The following TENT5C variants were observed in gnomAD, a reference collection of about 807,000 sequenced individuals.
TENT5C encodes the protein terminal nucleotidyltransferase 5C.
A neutral mutation model predicts 22.2 loss-of-function variants in TENT5C; 5 were observed. The observed-to-expected ratio is 0.22, with a 90% CI of 0.12 to 0.47. TENT5C has a LOEUF of 0.47. Among genes scored for constraint, TENT5C ranks in the 20% least tolerant of loss-of-function variants. The pLI is 0.99. For missense variants in TENT5C, 364 were observed against 500.9 expected (o/e 0.73, Z 2.61); for synonymous variants, 199 against 195.4 (o/e 1.02, Z -0.15).
rs1040950682 is a variant in TENT5C at position 117,625,912 on chromosome 1, A to G, written c.*1868A>G. 24 of 247,854 alleles carry G rather than the reference A, an allele frequency of 9.7e-5. No homozygotes were observed. The highest frequency in any genetic ancestry group is 1.2e-3 in the Middle Eastern group (1 of 808). 15.4% of individuals were successfully genotyped at this position (247,854 alleles called of 1,614,324 possible). A position where few individuals can be genotyped will look rare whatever the true frequency, so the allele number is the denominator to read the frequency against. ...TCCTGTTTCCCTGTGAGCCTTAGTT[A>G]TATTTTAATTCAGTGGCTTTGAGTC... is the stretch of plus-strand genomic sequence containing the variant. On this transcript the variant is annotated 3_prime_UTR_variant, in exon 2 of 2. Coordinates refer to ENST00000369448, the MANE Select transcript of TENT5C (RefSeq NM_017709.4).
rs1654006294 is a variant in TENT5C, at chr1:117,626,108, T to C, written c.*2064T>C. ...CATGTGTTTGCACAAAAATGACCGA[T>C]GTGTTTAACCAAAGCTTTGAAATGT... On this transcript the variant is annotated 3_prime_UTR_variant, in exon 2 of 2. Transcript: ENST00000369448. 1 of 247,888 alleles carries C rather than the reference T, an allele frequency of 4.0e-6. No individual in the cohort carries two copies. Among genetic ancestry groups the C allele is most frequent in the African/African-American group, 2.2e-5 (1 of 45,340 alleles). The allele number at this position is 247,888 out of a possible 1,614,324, so 15.4% of individuals were successfully genotyped here.
rs186733243 is a variant in TENT5C at position 117,626,946 on chromosome 1, C to T, written c.*2902C>T. On this transcript the variant is annotated 3_prime_UTR_variant, in exon 2 of 2. Transcript: ENST00000369448. Reference sequence around the variant, plus strand: ...TCTCACATTGGCAGAATAGCACGCACTAGATGCCTGACCTTGAGCTCTAGT... The same window carrying T: ...TCTCACATTGGCAGAATAGCACGCATTAGATGCCTGACCTTGAGCTCTAGT... 1 of 248,190 alleles carries T rather than the reference C, an allele frequency of 4.0e-6. No homozygotes were observed. The highest frequency in any genetic ancestry group is 2.2e-5 in the African/African-American group (1 of 45,480). The allele number at this position is 248,190 out of a possible 1,614,324, so 15.4% of individuals were successfully genotyped here.
intron 1 of TENT5C, among the ~76,000 whole-genome samples, chr1:117,609,181 C>G (rs560935598): frequency 7.9e-5 from 12 of 152,290 alleles, no homozygotes; most frequent in African/African-American, 2.9e-4. Flanking sequence ...TGTTTTCAGG[C>G]CATAAGATCT....
chr1:117,625,634 G>T lies in TENT5C; in HGVS notation c.*1590G>T, dbSNP rs1553249654. 4.0e-6 allele frequency: 1 copy of T among 247,830 alleles called. No homozygotes were observed. The highest frequency in any genetic ancestry group is 1.8e-4 in the South Asian group (1 of 5,518). The allele number at this position is 247,830 out of a possible 1,614,324, so 15.4% of individuals were successfully genotyped here. A position where few individuals can be genotyped will look rare whatever the true frequency, so the allele number is the denominator to read the frequency against. ...GATCTTTTTTTTCCCCCTTCCTTTG[G>T]CTATGAAAACCCAAAGCCCGGAGTG... On this transcript the variant is annotated 3_prime_UTR_variant, in exon 2 of 2. Transcript: ENST00000369448.
chr1:117,623,076 C>G lies in TENT5C; in HGVS notation c.208C>G (p.Arg70Gly). ...GGCAGGCATCAAAGTGCACGACGTCCGGCTGAATGGCTCCGCAGCTGGCCA... is the reference window on the plus strand; with the variant it reads ...GGCAGGCATCAAAGTGCACGACGTCGGGCTGAATGGCTCCGCAGCTGGCCA... ...EEAGIKVHDV[R>G]LNGSAAGHVL... Residue 70 changes from arginine to glycine, a missense_variant, in exon 2 of 2, where the codon CGG becomes GGG. Coordinates refer to ENST00000369448, the MANE Select transcript of TENT5C (RefSeq NM_017709.4). The G allele has an allele frequency of 6.2e-7, 1 of 1,614,162 alleles. No homozygotes were observed. Among genetic ancestry groups the G allele is most frequent in the Non-Finnish European group, 8.5e-7 (1 of 1,180,028 alleles).
At chr1:117,614,758 G>C (rs974055012) in intron 1 of TENT5C, among the ~76,000 whole-genome samples, 1 of 152,024 alleles carries the variant, frequency 6.6e-6, no homozygotes, top group Non-Finnish European at 1.5e-5. Flanking sequence ...TAGTTTTCTG[G>C]ATCAGGATCA....
In TENT5C at chr1:117,628,085, GTTTTA is replaced by G. The variant is rs1558009319; in HGVS notation, c.*4047_*4051del. The G allele has an allele frequency of 4.0e-6, 1 of 247,854 alleles. No homozygotes were observed. The highest frequency in any genetic ancestry group is 8.5e-6 in the Non-Finnish European group (1 of 118,086). 15.4% of individuals were successfully genotyped at this position (247,854 alleles called of 1,614,324 possible). The stretch of plus-strand genomic sequence containing the variant: ...TTTAAAAAAACTCAACCTATCTGGT[GTTTTA>G]TTTTAATGGATAAAAATGTAATTTT... On this transcript the variant is annotated 3_prime_UTR_variant, in exon 2 of 2. Coordinates refer to ENST00000369448, the MANE Select transcript of TENT5C (RefSeq NM_017709.4).
chr1:117,616,460 A>G (rs892395115), intron 1 of TENT5C, among the ~76,000 whole-genome samples: 1 of 152,206 alleles, frequency 6.6e-6, no homozygotes, highest in African/African-American at 2.4e-5. Context: ...CTTTTTGTCT[A>G]AAGTGTCCTC....
chr1:117,610,551 C>T (rs774285101), intron 1 of TENT5C, among the ~76,000 whole-genome samples: 20 of 152,170 alleles, frequency 1.3e-4, no homozygotes, highest in Admixed American at 3.9e-4. Flanking sequence ...TCTTTTGAGA[C>T]GGAGTCTTAC....
chr1:117,627,627 A>G lies in TENT5C; in HGVS notation c.*3583A>G, dbSNP rs977478608. On this transcript the variant is annotated 3_prime_UTR_variant, in exon 2 of 2. Transcript: ENST00000369448. The stretch of plus-strand genomic sequence containing the variant: ...GGAAAACCTTCTGGGTGGACTTTGT[A>G]AGAATCCAGTTTCCAAGGTTAGATT... The G allele has an allele frequency of 8.1e-6, 2 of 248,040 alleles. No individual in the cohort carries two copies. The highest frequency in any genetic ancestry group is 1.2e-4 in the East Asian group (2 of 16,606). 15.4% of individuals were successfully genotyped at this position (248,040 alleles called of 1,614,324 possible).
Position 117,624,000 on chromosome 1 carries a change from G to A in TENT5C, c.1132G>A (p.Val378Ile), listed in dbSNP as rs1212041385. The A allele has an allele frequency of 1.9e-6, 3 of 1,613,898 alleles. No homozygotes were observed. In the South Asian group the frequency reaches 3.3e-5, roughly 18 times the overall value. ...CAACTACTACGTTGCCCATCCTCCA[G>A]TCACCTACAGCCAGCCTTACCCTAC... is the stretch of plus-strand genomic sequence containing the variant. ...FSNYYVAHPP[V>I]TYSQPYPTWL... Residue 378 changes from valine (V) to isoleucine (I), a missense_variant, in exon 2 of 2, where the codon GTC becomes ATC. By Grantham distance (29) the Val-to-Ile change is conservative. Coordinates refer to ENST00000369448, the MANE Select transcript of TENT5C (RefSeq NM_017709.4).
At chr1:117,621,931 G>A (rs760365467) in intron 1 of TENT5C, among the ~76,000 whole-genome samples, 2 of 152,150 alleles carry the variant, frequency 1.3e-5, no homozygotes, top group African/African-American at 2.4e-5. Flanking sequence ...AGATGAAGTG[G>A]TGTTTTTCTC....
intron 1 of TENT5C, among the ~76,000 whole-genome samples, chr1:117,617,752 G>A (rs1347899412): frequency 6.6e-6 from 1 of 152,216 alleles, no homozygotes; most frequent in Non-Finnish European, 1.5e-5. Context: ...GATTATATCA[G>A]TGTTGATTTA....
At chr1:117,608,466 A>C (rs1004659249) in intron 1 of TENT5C, among the ~76,000 whole-genome samples, 2 of 152,176 alleles carry the variant, frequency 1.3e-5, no homozygotes, top group African/African-American at 4.8e-5. Flanking sequence ...CAGATCATGC[A>C]CATCTTGCGC....
At chr1:117,607,255 A>T (rs1653562130) in intron 1 of TENT5C, among the ~76,000 whole-genome samples, 1 of 152,112 alleles carries the variant, frequency 6.6e-6, no homozygotes, top group Non-Finnish European at 1.5e-5. Context: ...TGCGGGAGGG[A>T]TAGTGTCAGC....
chr1:117,607,026 G>A (rs1362568348), intron 1 of TENT5C, among the ~76,000 whole-genome samples: 2 of 152,202 alleles, frequency 1.3e-5, no homozygotes, highest in African/African-American at 2.4e-5. Context: ...CGCAGTTCGG[G>A]GACTCCCTTC....
chr1:117,609,455 C>G (rs1025427710), intron 1 of TENT5C, among the ~76,000 whole-genome samples: 4 of 152,008 alleles, frequency 2.6e-5, no homozygotes, highest in South Asian at 4.1e-4. Flanking sequence ...TTTTTAGTGT[C>G]GGAGCTTGAG....
At position 117,623,069 on chromosome 1, in the gene TENT5C, C is replaced by G. The variant is rs1630312; in HGVS notation, c.201C>G (p.His67Gln). Residue 67 changes from histidine to glutamine, a missense_variant, in exon 2 of 2, where the codon CAC becomes CAG. By Grantham distance (24) the His-to-Gln change is conservative. Coordinates refer to ENST00000369448, the MANE Select transcript of TENT5C (RefSeq NM_017709.4). ...SRLEEAGIKV[H>Q]DVRLNGSAAG... ...TGGAGGAGGCAGGCATCAAAGTGCA[C>G]GACGTCCGGCTGAATGGCTCCGCAG... 110,023 of 1,614,004 alleles carry G rather than the reference C, an allele frequency of 0.068. 5,006 individuals carry two copies. Among genetic ancestry groups the G allele is most frequent in the African/African-American group, 0.22 (16,512 of 74,948 alleles).
intron 1 of TENT5C, among the ~76,000 whole-genome samples, chr1:117,611,424 G>A (rs965086060): frequency 1.3e-5 from 2 of 152,190 alleles, no homozygotes; most frequent in Admixed American, 6.5e-5. Context: ...TCCTGGCAGA[G>A]CCTTTACCTC....
Sources: gnomAD v4.1 joint callset for allele counts (sites outside exome capture counted in the v4.1 genomes callset) on GRCh38, gnomAD v4.1.1 for gene constraint, MANE v1.5 for transcripts, NCBI Gene and HGNC (gene_info 2026-07-23, HGNC 2026-07-21) for gene names.